Variants in XKR9 observed in about 807,000 individuals in gnomAD.
The protein encoded by XKR9 is XK-related protein 9.
Under a neutral mutation model 32.0 loss-of-function variants are expected in XKR9, and 32 were observed. That is an observed-to-expected ratio of 1.00 (90% CI 0.76 to 1.34). XKR9 has a LOEUF of 1.34. Ranked by LOEUF, XKR9 falls within the 40% of genes most tolerant of loss-of-function variation. The pLI is 0.00. For synonymous variants in XKR9, 168 were observed against 143.4 expected (o/e 1.17, Z -1.22); for missense variants, 546 against 429.7 (o/e 1.27, Z -2.39).
the XKR9 span, among the ~76,000 whole-genome samples, chr8:71,027,445 T>G: frequency 6.8e-6 from 1 of 147,260 alleles, no homozygotes; most frequent in East Asian, 1.9e-4. Context: ...TAATACTAAC[T>G]TTTATATAAT....
At chr8:70,895,834 A>G in the XKR9 span, among the ~76,000 whole-genome samples, 1 of 151,268 alleles carries the variant, frequency 6.6e-6, no homozygotes, top group Non-Finnish European at 1.5e-5. Context: ...AAAAAAAAAA[A>G]AAAAGAAAAA....
At chr8:70,701,111 A>C (rs1805514567) in intron 3 of XKR9, among the ~76,000 whole-genome samples, 2 of 152,172 alleles carry the variant, frequency 1.3e-5, no homozygotes, top group African/African-American at 4.8e-5. Flanking sequence ...TGACTAGGAA[A>C]GGGAACTCCC....
chr8:70,758,569 C>G (rs1257334374), intron 2 of XKR9, among the ~76,000 whole-genome samples: 2 of 152,096 alleles, frequency 1.3e-5, no homozygotes, highest in Admixed American at 6.5e-5. Context: ...ATGGGATTAC[C>G]CAGATAATGT....
At position 70,671,735 on chromosome 8, in the gene XKR9, G is replaced by A. The variant is rs1360906177; in HGVS notation, c.-361+2197G>A. On this transcript the variant is annotated intron_variant, in intron 1 of 4. Transcript: ENST00000408926. ...CATTTTCTTAATCCAATCTATCATT[G>A]TTGGACATTTGGGTTGGTTCCAAGT... 2.9e-5 allele frequency among the ~76,000 whole-genome samples: 3 copies of A among 103,330 alleles called. 1 individual carries two copies. The highest frequency in any genetic ancestry group is 2.8e-4 in the Admixed American group (3 of 10,708). The allele number at this position is 103,330 out of a possible 152,430, so 67.8% of individuals were successfully genotyped here. A position where few individuals can be genotyped will look rare whatever the true frequency, so the allele number is the denominator to read the frequency against.
chr8:70,920,995 G>A, the XKR9 span, among the ~76,000 whole-genome samples: 8 of 152,130 alleles, frequency 5.3e-5, no homozygotes, highest in Admixed American at 6.5e-5. Flanking sequence ...CAGATTGTGG[G>A]TTGCTGTGAG....
chr8:70,779,333 T>C (rs1322368595), intron 2 of XKR9, among the ~76,000 whole-genome samples: 1 of 152,206 alleles, frequency 6.6e-6, no homozygotes, highest in African/African-American at 2.4e-5. Flanking sequence ...CTTTTTGATA[T>C]GCTGCTGGAT....
At chr8:70,794,058 A>T (rs1401858465), downstream of XKR9, among the ~76,000 whole-genome samples, 1 of 152,026 alleles carries the variant, frequency 6.6e-6, no homozygotes, top group African/African-American at 2.4e-5. Context: ...CTTAGTGTAC[A>T]GTTTTTGTGC....
At chr8:71,038,642 A>G in the XKR9 span, among the ~76,000 whole-genome samples, 1 of 150,498 alleles carries the variant, frequency 6.6e-6, no homozygotes, top group Non-Finnish European at 1.5e-5. Context: ...GTCATCTTAT[A>G]TAGTTGTCAC....
chr8:71,064,537 A>G, the XKR9 span, among the ~76,000 whole-genome samples: 8 of 152,228 alleles, frequency 5.3e-5, no homozygotes, highest in Admixed American at 1.3e-4. Flanking sequence ...AGAGGTTTCA[A>G]TGAAAAGCTC....
chr8:70,945,194 C>T, the XKR9 span, among the ~76,000 whole-genome samples: 1 of 152,172 alleles, frequency 6.6e-6, no homozygotes, highest in Admixed American at 6.5e-5. Flanking sequence ...TTACAGATCT[C>T]AGCAGGTATA....
At chr8:70,879,970 C>A in the XKR9 span, among the ~76,000 whole-genome samples, 10 of 152,302 alleles carry the variant, frequency 6.6e-5, no homozygotes, top group East Asian at 1.9e-3. Context: ...ACAGGTTCAA[C>A]ATATGCAAAT....
chr8:70,755,580 T>G lies in XKR9; in HGVS notation n.353-33759T>G, dbSNP rs572433004. On this transcript the variant is annotated intron_variant and non_coding_transcript_variant, in intron 2 of 3. Coordinates refer to the XKR9 transcript ENST00000520273. Reference sequence around the variant, plus strand: ...TACACCATGGAATACTATGCAGCCATAAAAAATGATGAGTTCATGTCCTTT... The same window carrying G: ...TACACCATGGAATACTATGCAGCCAGAAAAAATGATGAGTTCATGTCCTTT... 3.9e-5 allele frequency among the ~76,000 whole-genome samples: 6 copies of G among 152,124 alleles called. No individual in the cohort carries two copies. The East Asian group carries it at 1.2e-3, about 29-fold the overall frequency.
chr8:70,680,881 A>T lies in XKR9; in HGVS notation c.-178A>T. ...AGATTTAGAAAAGAAAGTCAAAATT[A>T]GTCACTTTAGTGTTAGTGTTCCCAT... On this transcript the variant is annotated 5_prime_UTR_variant, in exon 3 of 5. Transcript: ENST00000408926. The T allele has an allele frequency of 2.0e-6, 1 of 507,678 alleles. No individual in the cohort carries two copies. The highest frequency in any genetic ancestry group is 3.4e-6 in the Non-Finnish European group (1 of 298,340). The allele number at this position is 507,678 out of a possible 1,614,324, so 31.4% of individuals were successfully genotyped here.
At chr8:70,696,364 G>T (rs946949571) in intron 3 of XKR9, among the ~76,000 whole-genome samples, 1 of 152,102 alleles carries the variant, frequency 6.6e-6, no homozygotes, top group African/African-American at 2.4e-5. Context: ...TTTGTATAAG[G>T]TGTAAGGAAG....
At chr8:70,905,636 T>G in the XKR9 span, among the ~76,000 whole-genome samples, 2 of 152,188 alleles carry the variant, frequency 1.3e-5, no homozygotes, top group African/African-American at 2.4e-5. Context: ...CTCGTCAAAG[T>G]CATTCTCCCT....
the XKR9 span, among the ~76,000 whole-genome samples, chr8:70,812,868 C>G: frequency 2.9e-4 from 44 of 152,238 alleles, no homozygotes; most frequent in African/African-American, 9.9e-4. Context: ...CCATACTGCC[C>G]AAGGTAATTT....
At chr8:70,681,378 A>G in intron 3 of XKR9, 48 bp downstream of exon 3, 1 of 1,557,616 alleles carries the variant, frequency 6.4e-7, no homozygotes, top group Non-Finnish European at 8.7e-7. Context: ...TTTTCCAAAC[A>G]GAAGCTACCA....
rs115692762 is a variant in XKR9, at chr8:70,673,524, C to T, written c.-360-1294C>T. 3.5e-3 allele frequency among the ~76,000 whole-genome samples: 526 copies of T among 152,168 alleles called. 3 individuals are homozygous for T. Among genetic ancestry groups the T allele is most frequent in the African/African-American group, 0.011 (457 of 41,552 alleles). On this transcript the variant is annotated intron_variant, in intron 1 of 4. Coordinates refer to ENST00000408926, the MANE Select transcript of XKR9 (RefSeq NM_001011720.2). ...TGGACAGTTAGATATATTTTTTGGT[C>T]GGGTGTGGTGGCTCACGCCTGTAAT...
chr8:70,775,810 T>C (rs1313782884), intron 2 of XKR9, among the ~76,000 whole-genome samples: 1 of 151,478 alleles, frequency 6.6e-6, no homozygotes, highest in East Asian at 1.9e-4. Flanking sequence ...AGTGGCGCAA[T>C]CATGGCTCAC....
Sources: allele counts gnomAD v4.1 joint callset (sites outside exome capture counted in the v4.1 genomes callset), GRCh38; gene constraint gnomAD v4.1.1; transcripts MANE v1.5; gene names NCBI Gene and HGNC (gene_info 2026-07-23, HGNC 2026-07-21).